Variants in ZNF418 observed in about 807,000 individuals in gnomAD.
ZNF418 encodes zinc finger protein 418.
Under a neutral mutation model 32.0 loss-of-function variants are expected in ZNF418, and 32 were observed. That is an observed-to-expected ratio of 1.00 (90% CI 0.75 to 1.34). The LOEUF (loss-of-function observed/expected upper bound fraction) is 1.34, where lower values mean the gene tolerates loss of function less well. Ranked by LOEUF, ZNF418 falls within the 40% of genes most tolerant of loss-of-function variation. The pLI, the probability that ZNF418 is intolerant of heterozygous loss-of-function variation, is 0.00. For synonymous variants in ZNF418, 276 were observed against 270.7 expected (o/e 1.02, Z -0.19); for missense variants, 804 against 812.5 (o/e 0.99, Z 0.13).
chr19:57,934,840 C>T (rs2072629664), intron 1 of ZNF418: 1 of 344,938 alleles, frequency 2.9e-6, no homozygotes, highest in Non-Finnish European at 5.1e-6. Flanking sequence ...TGGCTTCTAG[C>T]GTCTTCACAG....
At position 57,926,076 on chromosome 19, in the gene ZNF418, G is replaced by A. The variant is rs1265543589; in HGVS notation, c.*74C>T. The A allele has an allele frequency of 7.8e-7, 1 of 1,288,378 alleles. No individual in the cohort carries two copies. The highest frequency in any genetic ancestry group is 1.5e-5 in the African/African-American group (1 of 67,058). 79.8% of individuals were successfully genotyped at this position (1,288,378 alleles called of 1,614,324 possible). ...ATCCCACGTTTGTCACACTCATAAG[G>A]TCCTGATCCAGTAAGAACCCTCTGA... On this transcript the variant is annotated 3_prime_UTR_variant, in exon 4 of 6. Transcript: ENST00000396147.
At chr19:57,932,330 G>A (rs1215079395) in intron 2 of ZNF418, 20 of 1,091,028 alleles carry the variant, frequency 1.8e-5, no homozygotes, top group South Asian at 1.1e-4. Context: ...ACACACCAAC[G>A]TTGCACATCA....
In ZNF418 at chr19:57,923,539, TACACACACACAC is replaced by T. The variant is rs34833982; in HGVS notation, c.*528-262_*528-251del. ...ATATACATATATACATATATATACA[TACACACACACAC>T]ACACACACACACACATATATACACA... is the stretch of plus-strand genomic sequence containing the variant. On this transcript the variant is annotated intron_variant, in intron 4 of 5. Coordinates refer to ENST00000396147, the MANE Select transcript of ZNF418 (RefSeq NM_133460.3). 2.0e-3 allele frequency among the ~76,000 whole-genome samples: 292 copies of T among 144,088 alleles called. 1 individual carries two copies. The highest frequency in any genetic ancestry group is 3.2e-3 in the Non-Finnish European group (208 of 65,896). 94.5% of individuals were successfully genotyped at this position (144,088 alleles called of 152,430 possible). A position where few individuals can be genotyped will look rare whatever the true frequency, so the allele number is the denominator to read the frequency against.
rs765674330 is a variant in ZNF418, at chr19:57,926,180, T to C, written c.2001A>G (p.Arg667=). ...HRSSSLLRHQ[R]VHTERSPYK ...TGTAAGGACTTCTTTCTGTGTGAAC[T>C]CTCTGATGTCGAAGGAGAGAAGAGC... The change falls in exon 4 of 6, where the codon AGA becomes AGG. Residue 667 remains arginine (R), a synonymous_variant. Transcript: ENST00000396147. 1 of 1,612,902 alleles carries C rather than the reference T, an allele frequency of 6.2e-7. No individual in the cohort carries two copies. Among genetic ancestry groups the C allele is most frequent in the East Asian group, 2.2e-5 (1 of 44,870 alleles).
At position 57,927,491 on chromosome 19, in the gene ZNF418, A is replaced by C. The variant is rs560874349; in HGVS notation, c.690T>G (p.Cys230Trp). 6.2e-7 allele frequency: 1 copy of C among 1,614,236 alleles called. No individual in the cohort carries two copies. Among genetic ancestry groups the C allele is most frequent in the East Asian group, 2.2e-5 (1 of 44,884 alleles). Reference sequence around the variant, plus strand: ...AGGATTTCCCACATTCCCAGCAATAACATTCCTCTCTAGAGGGAAGTCTCT... The same window carrying C: ...AGGATTTCCCACATTCCCAGCAATACCATTCCTCTCTAGAGGGAAGTCTCT... The part of the protein sequence containing the change: ...QQQRLPSREE[C>W]YCWECGKSFS... The change falls in exon 4 of 6, where the codon TGT becomes TGG. Residue 230 changes from cysteine (C) to tryptophan (W), a missense_variant. Physicochemically the swap from Cys to Trp is radical, Grantham distance 215 (BLOSUM62 -2). Coordinates refer to ENST00000396147, the MANE Select transcript of ZNF418 (RefSeq NM_133460.3).
chr19:57,924,516 C>T (rs907254377), intron 4 of ZNF418, among the ~76,000 whole-genome samples: 3 of 152,188 alleles, frequency 2.0e-5, no homozygotes, highest in African/African-American at 7.2e-5. Context: ...GACAGTCCAC[C>T]ACATACATAG....
intron 1 of ZNF418, chr19:57,934,275 G>C (rs1045065249): frequency 1.9e-5 from 19 of 992,028 alleles, no homozygotes; most frequent in Non-Finnish European, 2.3e-5. Context: ...GCCCAGGCCG[G>C]AGTGCAATGG....
At position 57,925,742 on chromosome 19, in the gene ZNF418, C is replaced by A. The variant is rs1158455165; in HGVS notation, c.*408G>T. ...ACATAAAATGGCTTTTGCCAGATAA[C>A]CGACATCATGTCTGGCAAGGGAACC... is the stretch of plus-strand genomic sequence containing the variant. On this transcript the variant is annotated 3_prime_UTR_variant, in exon 4 of 6. Transcript: ENST00000396147. 5.5e-6 allele frequency: 1 copy of A among 180,384 alleles called. No homozygotes were observed. The highest frequency in any genetic ancestry group is 1.2e-5 in the Non-Finnish European group (1 of 84,508). 11.2% of individuals were successfully genotyped at this position (180,384 alleles called of 1,614,324 possible). A position where few individuals can be genotyped will look rare whatever the true frequency, so the allele number is the denominator to read the frequency against.
At chr19:57,931,815 A>G (rs2072499929) in intron 2 of ZNF418, among the ~76,000 whole-genome samples, 1 of 152,148 alleles carries the variant, frequency 6.6e-6, no homozygotes, top group Non-Finnish European at 1.5e-5. Context: ...GCCTCAAGCA[A>G]TCCTCCCACC....
intron 3 of ZNF418, among the ~76,000 whole-genome samples, chr19:57,929,641 A>G (rs568194524): frequency 6.6e-6 from 1 of 152,198 alleles, no homozygotes; most frequent in Admixed American, 6.5e-5. Flanking sequence ...GGTTCAAAAC[A>G]TGACAACACA....
chr19:57,926,327 AG>A lies in ZNF418; in HGVS notation c.1853del (p.Pro618LeufsTer69). On this transcript the variant is annotated frameshift_variant, in exon 4 of 6. Coordinates refer to ENST00000396147, the MANE Select transcript of ZNF418 (RefSeq NM_133460.3). LOFTEE classifies it low-confidence loss of function (END_TRUNC). ...ATTTCCCACATTCGCTGCACTCGTA[AG>A]GCTTTCCTCGAGTATGAAGTCTCTG... ...KHQRLHTRGKPYECSECGKSF... is the reference protein window; with the variant it reads ...KHQRLHTRGKXYECSECGKSF... 6.2e-7 allele frequency: 1 copy of A among 1,611,642 alleles called. No homozygotes were observed. The highest frequency in any genetic ancestry group is 8.5e-7 in the Non-Finnish European group (1 of 1,179,080).
At position 57,926,223 on chromosome 19, in the gene ZNF418, CCA is replaced by C. The variant is rs763653154; in HGVS notation, c.1956_1957del (p.Cys652TrpfsTer124). On this transcript the variant is annotated frameshift_variant, in exon 4 of 6. Transcript: ENST00000396147. LOFTEE classifies it low-confidence loss of function (END_TRUNC). ...AGAAGAGCTTCGATGAAATGATTTT[CCA>C]CATTCACTGCACTCATAAGGCCTTT... 6.2e-7 allele frequency: 1 copy of C among 1,614,150 alleles called. No homozygotes were observed. The highest frequency in any genetic ancestry group is 8.5e-7 in the Non-Finnish European group (1 of 1,179,974).
intron 4 of ZNF418, among the ~76,000 whole-genome samples, chr19:57,923,911 A>G (rs1371213437): frequency 6.6e-6 from 1 of 152,114 alleles, no homozygotes; most frequent in Non-Finnish European, 1.5e-5. Flanking sequence ...TAAACTTACC[A>G]CATGGTACAG....
rs1200177393 is a variant in ZNF418, at chr19:57,933,919, C to CTG, written c.-80-19_-80-18dup. ...AGATGATGCCTGCAGACAAATGGGA[C>CTG]TGTGGTAACATCACCTCCTCGCCGC... On this transcript the variant is annotated splice_polypyrimidine_tract_variant and intron_variant, in intron 1 of 5. Transcript: ENST00000396147. 2 of 1,611,992 alleles carry CTG rather than the reference C, an allele frequency of 1.2e-6. No homozygotes were observed. The highest frequency in any genetic ancestry group is 4.5e-5 in the East Asian group (2 of 44,878).
Position 57,933,733 on chromosome 19 carries a change from A to C in ZNF418, c.6+84T>G. 5.1e-6 allele frequency: 8 copies of C among 1,561,552 alleles called. No homozygotes were observed. The South Asian group carries it at 6.8e-5, about 13-fold the overall frequency. ...GAGACTCCCGCTCAAAAAAAAAAGG[A>C]AAATCTAGTTGCCATTTTACAAACT... On this transcript the variant is annotated intron_variant, in intron 2 of 5. Coordinates refer to ENST00000396147, the MANE Select transcript of ZNF418 (RefSeq NM_133460.3).
intron 1 of ZNF418, 157 bp from the exon 2 acceptor site, chr19:57,934,059 T>C (rs1187836658): frequency 4.8e-6 from 7 of 1,444,860 alleles, no homozygotes; most frequent in East Asian, 2.5e-5. Flanking sequence ...AATACCTCCA[T>C]ACATCCTGTG....
chr19:57,933,108 G>A (rs1176044504), intron 2 of ZNF418, among the ~76,000 whole-genome samples: 2 of 152,142 alleles, frequency 1.3e-5, no homozygotes, highest in African/African-American at 2.4e-5. Flanking sequence ...TCATAATGGA[G>A]GCTAAACTAT....
chr19:57,922,565 C>G lies in ZNF418; in HGVS notation c.*690G>C. The G allele has an allele frequency of 2.5e-6, 1 of 398,308 alleles. No homozygotes were observed. Among genetic ancestry groups the G allele is most frequent in the Non-Finnish European group, 4.4e-6 (1 of 226,028 alleles). 24.7% of individuals were successfully genotyped at this position (398,308 alleles called of 1,614,324 possible). On this transcript the variant is annotated 3_prime_UTR_variant, in exon 6 of 6. Transcript: ENST00000396147. ...CATATTTATAATCTTGGGCTGGAGG[C>G]AAATGCATACAGTTTACCAAATATG...
At chr19:57,922,709 C>T (rs972888202) in intron 5 of ZNF418, 80 bp from the exon 6 acceptor site, 3 of 397,146 alleles carry the variant, frequency 7.6e-6, no homozygotes, top group African/African-American at 6.2e-5. Flanking sequence ...AAGAAAAAAA[C>T]CAAAAGCATG....
Sources: allele counts gnomAD v4.1 joint callset (sites outside exome capture counted in the v4.1 genomes callset), GRCh38; gene constraint gnomAD v4.1.1; transcripts MANE v1.5; gene names NCBI Gene and HGNC (gene_info 2026-07-23, HGNC 2026-07-21).